PXDN: variants seen among roughly 807,000 people sequenced by gnomAD.
PXDN encodes peroxidasin.
Under a neutral mutation model 140.3 loss-of-function variants are expected in PXDN, and 77 were observed. That is an observed-to-expected ratio of 0.55 (90% CI 0.46 to 0.66). The LOEUF (loss-of-function observed/expected upper bound fraction) is 0.66, where lower values mean the gene tolerates loss of function less well. Among genes scored for constraint, PXDN ranks in the 30% least tolerant of loss-of-function variants. The probability of loss-of-function intolerance (pLI) is 0.00; values close to 1 mark genes in which losing one functional copy is unlikely to be tolerated. For synonymous variants in PXDN, 911 were observed against 857.4 expected (o/e 1.06, Z -1.09); for missense variants, 1,838 against 2,039.5 (o/e 0.90, Z 1.90).
At chr2:1,664,056 A>T (rs1255273806) in intron 11 of PXDN, 1 of 358,962 alleles carries the variant, frequency 2.8e-6, no homozygotes. Flanking sequence ...AGCGGGGTGG[A>T]TGGCCAGCTG....
At chr2:1,721,674 A>C (rs962905154) in intron 1 of PXDN, among the ~76,000 whole-genome samples, 3 of 152,208 alleles carry the variant, frequency 2.0e-5, no homozygotes, top group Non-Finnish European at 4.4e-5. Flanking sequence ...GTCTCTACTA[A>C]AAATTAGCCG....
At chr2:1,717,794 G>A (rs1057316599) in intron 1 of PXDN, among the ~76,000 whole-genome samples, 2 of 138,980 alleles carry the variant, frequency 1.4e-5, no homozygotes, top group Non-Finnish European at 3.1e-5. Flanking sequence ...ACTCTGCTAA[G>A]CGACCACCCA....
rs759329037 is a variant in PXDN at position 1,648,708 on chromosome 2, C to T, written c.3072G>A (p.Ala1024=). Residue 1024 remains alanine (A), a synonymous_variant, in exon 17 of 23, where the codon GCG becomes GCA. Transcript: ENST00000252804. The surrounding 1 kb of genome is among the most constrained non-coding windows in gnomAD (Gnocchi z 8.9). Reference sequence around the variant, plus strand: ...GCTGGTAGGTGATGTGCTGGATCTCCGCACCCACGATCTTCCTGGTCTCAT... The same window carrying T: ...GCTGGTAGGTGATGTGCTGGATCTCTGCACCCACGATCTTCCTGGTCTCAT... The part of the protein sequence containing the change: ...IYYETRKIVG[A]EIQHITYQHW... The T allele has an allele frequency of 2.5e-6, 4 of 1,605,274 alleles. No individual in the cohort carries two copies. The highest frequency in any genetic ancestry group is 1.3e-5 in the African/African-American group (1 of 74,874).
intron 1 of PXDN, among the ~76,000 whole-genome samples, chr2:1,712,945 G>C (rs980641132): frequency 1.3e-5 from 2 of 152,176 alleles, no homozygotes; most frequent in South Asian, 2.1e-4. Context: ...GGCTGGTCTC[G>C]AACTCCTGAT....
At chr2:1,677,107 A>T in intron 7 of PXDN, 63 bp from the exon 8 acceptor site, 1 of 1,389,336 alleles carries the variant, frequency 7.2e-7, no homozygotes, top group South Asian at 1.4e-5. Context: ...ATAAATGACA[A>T]CACACGCTGA....
chr2:1,739,101 G>A (rs369766261), intron 1 of PXDN, among the ~76,000 whole-genome samples: 27 of 152,234 alleles, frequency 1.8e-4, no homozygotes, highest in African/African-American at 5.8e-4. Context: ...GTAGTCATGC[G>A]CTCCAGACCC....
intron 7 of PXDN, among the ~76,000 whole-genome samples, chr2:1,678,442 G>A (rs577994035): frequency 3.3e-5 from 5 of 152,260 alleles, no homozygotes; most frequent in Non-Finnish European, 2.9e-5. Context: ...TGTCTGGCAC[G>A]GGAACAATGC....
intron 12 of PXDN, among the ~76,000 whole-genome samples, chr2:1,662,494 C>G (rs761615432): frequency 9.2e-5 from 14 of 152,196 alleles, no homozygotes; most frequent in Non-Finnish European, 1.8e-4. Context: ...TGTCCTCCAG[C>G]CCCCAGTCCC....
At chr2:1,635,379 G>T in intron 22 of PXDN, 29 bp downstream of exon 22, 1 of 1,536,602 alleles carries the variant, frequency 6.5e-7, no homozygotes, top group Non-Finnish European at 8.8e-7. Flanking sequence ...TATACCTTAG[G>T]ACATGAAGAT....
intron 1 of PXDN, among the ~76,000 whole-genome samples, chr2:1,699,890 T>C (rs1364866677): frequency 6.6e-6 from 1 of 152,200 alleles, no homozygotes; most frequent in Non-Finnish European, 1.5e-5. Flanking sequence ...ATGGGAACTC[T>C]TGCCTTTTGT....
chr2:1,705,193 C>T (rs1234232949), intron 1 of PXDN, among the ~76,000 whole-genome samples: 1 of 152,112 alleles, frequency 6.6e-6, no homozygotes, highest in Non-Finnish European at 1.5e-5. Flanking sequence ...TGTCTGCACA[C>T]ATCCCAGGGG....
At chr2:1,677,281 G>A (rs1422574740) in intron 7 of PXDN, among the ~76,000 whole-genome samples, 7 of 152,192 alleles carry the variant, frequency 4.6e-5, no homozygotes, top group African/African-American at 1.7e-4. Context: ...CCTAGAGACA[G>A]GCTGGCTCAG....
chr2:1,737,870 CAAAG>C lies in PXDN; in HGVS notation c.200+6382_200+6385del, dbSNP rs1179507083. ...CTATTTTTCAAAATAAACTTTAAAA[CAAAG>C]AAAACAAAAATTACTAGTGTTATGA... is the stretch of plus-strand genomic sequence containing the variant. On this transcript the variant is annotated intron_variant, in intron 1 of 22. Coordinates refer to ENST00000252804, the MANE Select transcript of PXDN (RefSeq NM_012293.3). 5.3e-5 allele frequency among the ~76,000 whole-genome samples: 8 copies of C among 152,088 alleles called. 1 individual carries two copies. The highest frequency in any genetic ancestry group is 2.1e-4 in the South Asian group (1 of 4,828).
In PXDN at chr2:1,648,987, G is replaced by A. The variant is rs1682933811; in HGVS notation, c.2793C>T (p.Ser931=). The change falls in exon 17 of 23, where the codon AGC becomes AGT. Residue 931 remains serine, a synonymous_variant. Coordinates refer to ENST00000252804, the MANE Select transcript of PXDN (RefSeq NM_012293.3). The surrounding 1 kb of genome is among the most constrained non-coding windows in gnomAD (Gnocchi z 8.9). Reference sequence around the variant, plus strand: ...TGCCCTGCCGCAGCAGGCCGCGGTGGCTGGCCAGGTCGCGGATGCTGCGGG... The same window carrying A: ...TGCCCTGCCGCAGCAGGCCGCGGTGACTGGCCAGGTCGCGGATGCTGCGGG... ...HEARSIRDLA[S]HRGLLRQGIV... The A allele has an allele frequency of 2.5e-6, 4 of 1,611,012 alleles. No individual in the cohort carries two copies. The highest frequency in any genetic ancestry group is 1.7e-4 in the Middle Eastern group (1 of 6,054).
At position 1,708,871 on chromosome 2, in the gene PXDN, G is replaced by A. The variant is rs987254195; in HGVS notation, c.201-15737C>T. ...CTGGGTTTGTTAAGAACCTCTCTAC[G>A]TGTACAGGTTTTATCAAGTACAGTT... On this transcript the variant is annotated intron_variant, in intron 1 of 22. Transcript: ENST00000252804. Among the ~76,000 whole-genome samples the A allele has an allele frequency of 5.9e-5, 9 of 152,300 alleles. No homozygotes were observed. In the East Asian group the frequency reaches 1.2e-3, roughly 20 times the overall value.
At position 1,648,229 on chromosome 2, in the gene PXDN, G is replaced by A. The variant is rs370226454; in HGVS notation, c.3551C>T (p.Thr1184Met). The change falls in exon 17 of 23, where the codon ACG becomes ATG. Residue 1184 changes from threonine to methionine, a missense_variant. Physicochemically the swap from Thr to Met is moderately conservative, Grantham distance 81 (BLOSUM62 -1). This residue lies in a region of PXDN where 850 missense variants were observed against 894.1 expected (regional missense o/e 0.95). Transcript: ENST00000252804. The surrounding 1 kb of genome is among the most constrained non-coding windows in gnomAD (Gnocchi z 8.9). ...RVYCNLSAAH[T>M]FEDLKNEIKN... ...AATCTCATTTTTCAGGTCCTCGAAC[G>A]TGTGTGCCGCCGATAGATTGCAGTA... 129 of 1,613,872 alleles carry A rather than the reference G, an allele frequency of 8.0e-5. No homozygotes were observed. In the Middle Eastern group the frequency reaches 8.2e-4, roughly 10 times the overall value.
At chr2:1,676,249 G>C (rs1193746147) in intron 8 of PXDN, 2 of 147,420 alleles carry the variant, frequency 1.4e-5, no homozygotes, top group African/African-American at 5.1e-5. Context: ...AACCCCAGCA[G>C]CGCAGGGGTG....
chr2:1,729,779 G>A (rs190207650), intron 1 of PXDN, among the ~76,000 whole-genome samples: 34 of 152,262 alleles, frequency 2.2e-4, no homozygotes, highest in Non-Finnish European at 4.3e-4. Context: ...ACACAAAAAT[G>A]CATGCAATCA....
chr2:1,690,565 A>C (rs1033633842), intron 3 of PXDN, among the ~76,000 whole-genome samples: 1 of 150,774 alleles, frequency 6.6e-6, no homozygotes, highest in African/African-American at 2.4e-5. Context: ...TACACACACA[A>C]GGAATGCTGG....
Sources: allele counts gnomAD v4.1 joint callset (sites outside exome capture counted in the v4.1 genomes callset), GRCh38; gene constraint gnomAD v4.1.1; regional missense constraint gnomAD v4.1.1; non-coding constraint Gnocchi (gnomAD v3.1); transcripts MANE v1.5; gene names NCBI Gene and HGNC (gene_info 2026-07-23, HGNC 2026-07-21).